Variants in MYBPC1 observed in about 807,000 individuals in gnomAD.
The protein encoded by MYBPC1 is myosin binding protein C1.
Under a neutral mutation model 147.1 loss-of-function variants are expected in MYBPC1, and 52 were observed. The ratio of observed to expected loss-of-function variants is 0.35; its 90% CI spans 0.28 to 0.45. MYBPC1 has a LOEUF of 0.45. Among genes scored for constraint, MYBPC1 ranks in the 20% least tolerant of loss-of-function variants. The pLI is 1.00. For synonymous variants in MYBPC1, 477 were observed against 475.9 expected (o/e 1.00, Z -0.03); for missense variants, 1,228 against 1,440.3 (o/e 0.85, Z 2.39).
At chr12:101,662,665 A>G (rs1216429404) in intron 21 of MYBPC1, 119 bp downstream of exon 21, 1 of 1,087,054 alleles carries the variant, frequency 9.2e-7, no homozygotes, top group Admixed American at 2.1e-5. Flanking sequence ...GGTGGGCAGG[A>G]GCTTGAAACA....
At chr12:101,601,319 C>G (rs182371052) in intron 1 of MYBPC1, among the ~76,000 whole-genome samples, 53 of 152,266 alleles carry the variant, frequency 3.5e-4, no homozygotes, top group Non-Finnish European at 1.6e-4. Context: ...TGGATAGGCT[C>G]AGTTTTAATT....
chr12:101,677,492 G>T, intron 27 of MYBPC1, 98 bp downstream of exon 27: 1 of 1,401,998 alleles, frequency 7.1e-7, no homozygotes, highest in East Asian at 2.3e-5. Flanking sequence ...ACAAAAAAAT[G>T]GTAAATGTAC....
At chr12:101,619,372 A>G (rs1352845346) in intron 3 of MYBPC1, among the ~76,000 whole-genome samples, 1 of 152,064 alleles carries the variant, frequency 6.6e-6, no homozygotes, top group African/African-American at 2.4e-5. Flanking sequence ...TTGTCTCCAC[A>G]TAATCGCACA....
At chr12:101,631,419 C>A in intron 6 of MYBPC1, 152 bp from the exon 7 acceptor site, 2 of 892,960 alleles carry the variant, frequency 2.2e-6, no homozygotes, top group Non-Finnish European at 3.6e-6. Context: ...CTAGAGCATT[C>A]ATAAAAAAAT....
chr12:101,620,831 T>C (rs1400246720), intron 3 of MYBPC1, among the ~76,000 whole-genome samples: 1 of 152,210 alleles, frequency 6.6e-6, no homozygotes, highest in East Asian at 1.9e-4. Flanking sequence ...TTTCAATTGG[T>C]AAAGTTACTT....
intron 1 of MYBPC1, among the ~76,000 whole-genome samples, chr12:101,608,881 C>T (rs1034989701): frequency 1.3e-5 from 2 of 151,994 alleles, no homozygotes; most frequent in Non-Finnish European, 1.5e-5. Context: ...CCTTGGCCAG[C>T]GGGAGGGGAA....
intron 15 of MYBPC1, among the ~76,000 whole-genome samples, chr12:101,649,716 G>A (rs1004169919): frequency 3.3e-5 from 5 of 152,102 alleles, no homozygotes; most frequent in South Asian, 2.1e-4. Context: ...ACTTAGATAC[G>A]ATGTCATATC....
intron 1 of MYBPC1, among the ~76,000 whole-genome samples, chr12:101,610,661 C>A (rs541536747): frequency 5.9e-5 from 9 of 152,198 alleles, no homozygotes; most frequent in Non-Finnish European, 1.3e-4. Flanking sequence ...GCTATTATTT[C>A]TCTCATACTT....
chr12:101,603,103 G>A (rs990845126), intron 1 of MYBPC1, among the ~76,000 whole-genome samples: 4 of 152,128 alleles, frequency 2.6e-5, no homozygotes, highest in Non-Finnish European at 4.4e-5. Flanking sequence ...CCAGCACTTT[G>A]GGAGGCTGAG....
intron 23 of MYBPC1, among the ~76,000 whole-genome samples, chr12:101,668,703 G>A (rs6539006): frequency 0.52 from 79,624 of 151,748 alleles, 21,668 homozygotes; most frequent in East Asian, 0.64. Context: ...GACCTCAAGT[G>A]ATCCACCTGC....
intron 3 of MYBPC1, among the ~76,000 whole-genome samples, chr12:101,620,562 G>A (rs374519844): frequency 3.3e-5 from 5 of 152,122 alleles, no homozygotes; most frequent in African/African-American, 7.2e-5. Context: ...AGGGAATAAC[G>A]TGGGTGATCA....
At chr12:101,675,515 G>C in intron 26 of MYBPC1, 84 bp downstream of exon 26, 2 of 1,576,158 alleles carry the variant, frequency 1.3e-6, no homozygotes, top group Non-Finnish European at 1.7e-6. Flanking sequence ...GGCCTCACTG[G>C]TAAGGAGCCA....
chr12:101,605,310 G>A (rs1176128362), intron 1 of MYBPC1, among the ~76,000 whole-genome samples: 2 of 152,252 alleles, frequency 1.3e-5, no homozygotes, highest in African/African-American at 4.8e-5. Context: ...TTTTATCAAA[G>A]CTGCAGATGT....
chr12:101,687,153 C>T (rs1219106128), downstream of MYBPC1, among the ~76,000 whole-genome samples: 1 of 151,876 alleles, frequency 6.6e-6, no homozygotes, highest in Non-Finnish European at 1.5e-5. Context: ...ATACATGTGC[C>T]ATGTTGGTGT....
chr12:101,670,123 C>CACACACA (rs1898301060), intron 23 of MYBPC1, among the ~76,000 whole-genome samples, 198 bp from the exon 24 acceptor site: 1 of 146,214 alleles, frequency 6.8e-6, no homozygotes, highest in Non-Finnish European at 1.5e-5. Flanking sequence ...TGTGTGGAAA[C>CACACACA]CACACACACA....
chr12:101,606,914 T>C (rs1209753949), intron 1 of MYBPC1, among the ~76,000 whole-genome samples: 1 of 152,150 alleles, frequency 6.6e-6, no homozygotes, highest in Non-Finnish European at 1.5e-5. Context: ...AACCTTCGCC[T>C]ACCCAGCTCA....
chr12:101,681,482 T>C (rs918991241), intron 29 of MYBPC1, among the ~76,000 whole-genome samples: 30 of 143,742 alleles, frequency 2.1e-4, no homozygotes, highest in African/African-American at 7.7e-4. Context: ...GTATTTATGT[T>C]TTTTAAAAAG....
At chr12:101,631,792 G>T (rs1307395585) in intron 7 of MYBPC1, 73 bp downstream of exon 7, 2 of 1,603,268 alleles carry the variant, frequency 1.2e-6, no homozygotes, top group African/African-American at 2.7e-5. Flanking sequence ...ATTATTTTCA[G>T]GTTCAGCTTT....
Position 101,663,635 on chromosome 12 carries a change from T to A in MYBPC1, c.2356+75T>A, listed in dbSNP as rs546566904. 23 of 1,516,424 alleles carry A rather than the reference T, an allele frequency of 1.5e-5. 1 individual carries two copies. In the South Asian group the frequency reaches 2.7e-4, roughly 18 times the overall value. The allele number at this position is 1,516,424 out of a possible 1,614,324, so 93.9% of individuals were successfully genotyped here. On this transcript the variant is annotated intron_variant, in intron 22 of 31. Coordinates refer to ENST00000361466, the MANE Select transcript of MYBPC1 (RefSeq NM_002465.4). ...ATGTCCCTCCCCTTTCTTTTGTCTCTCTTTCTTGAGAACGCATCACCTTCC... is the reference window on the plus strand; with the variant it reads ...ATGTCCCTCCCCTTTCTTTTGTCTCACTTTCTTGAGAACGCATCACCTTCC...
Sources: gnomAD v4.1 joint callset for allele counts (sites outside exome capture counted in the v4.1 genomes callset) on GRCh38, gnomAD v4.1.1 for gene constraint, MANE v1.5 for transcripts, NCBI Gene and HGNC (gene_info 2026-07-23, HGNC 2026-07-21) for gene names.